The following GDNF variants were observed in gnomAD, a reference collection of about 807,000 sequenced individuals.
GDNF encodes glial cell line-derived neurotrophic factor.
In GDNF, 5 loss-of-function variants were observed where a neutral mutation model predicts 13.7. The observed-to-expected ratio is 0.36, with a 90% CI of 0.19 to 0.77. The LOEUF (loss-of-function observed/expected upper bound fraction) is 0.77, where lower values mean the gene tolerates loss of function less well. GDNF is among the 30% of genes least tolerant of loss of function. GDNF has a pLI of 0.51. For missense variants in GDNF, 246 were observed against 274.3 expected, an observed-to-expected ratio of 0.90 and a Z score of 0.73; for synonymous variants, 122 against 112.5, an observed-to-expected ratio of 1.08 and a Z score of -0.53.
rs1469546893 is a variant in GDNF, at chr5:37,814,196, AG to A, written c.*1454del. ...TGACAGCATTGTCGACATTACTTTT[AG>A]GTCAGCATTAAATCCAGGACTACCT... On this transcript the variant is annotated 3_prime_UTR_variant, in exon 3 of 3. Coordinates refer to ENST00000326524, the MANE Select transcript of GDNF (RefSeq NM_000514.4). 1 of 152,568 alleles carries A rather than the reference AG, an allele frequency of 6.6e-6. No individual in the cohort carries two copies. Among genetic ancestry groups the A allele is most frequent in the African/African-American group, 2.4e-5 (1 of 41,460 alleles). The allele number at this position is 152,568 out of a possible 1,614,324, so 9.5% of individuals were successfully genotyped here.
At chr5:37,817,123 A>T (rs1317778981) in intron 2 of GDNF, among the ~76,000 whole-genome samples, 1 of 152,186 alleles carries the variant, frequency 6.6e-6, no homozygotes, top group Non-Finnish European at 1.5e-5. Context: ...CAAGAGGCTC[A>T]TTAGGGAGAT....
intron 2 of GDNF, among the ~76,000 whole-genome samples, chr5:37,820,815 C>G (rs1750110736): frequency 1.3e-5 from 2 of 152,002 alleles, no homozygotes. Flanking sequence ...AAATTCCTTC[C>G]TTTGATGGGA....
rs1749854561 is a variant in GDNF at position 37,814,924 on chromosome 5, A to T, written c.*727T>A. ...CACAACTCGTTTCCTGTTTCCAAGG[A>T]CATAAAGGAAATACCTTCAGGTTTG... On this transcript the variant is annotated 3_prime_UTR_variant, in exon 3 of 3. Coordinates refer to ENST00000326524, the MANE Select transcript of GDNF (RefSeq NM_000514.4). The T allele has an allele frequency of 6.6e-6, 1 of 152,428 alleles. No homozygotes were observed. Among genetic ancestry groups the T allele is most frequent in the Non-Finnish European group, 1.5e-5 (1 of 68,220 alleles). 9.4% of individuals were successfully genotyped at this position (152,428 alleles called of 1,614,324 possible). A position where few individuals can be genotyped will look rare whatever the true frequency, so the allele number is the denominator to read the frequency against.
rs1749793908 is a variant in GDNF at position 37,813,358 on chromosome 5, C to A, written c.*2293G>T. 1.3e-5 allele frequency: 2 copies of A among 152,108 alleles called. No homozygotes were observed. The highest frequency in any genetic ancestry group is 2.9e-5 in the Non-Finnish European group (2 of 68,028). The allele number at this position is 152,108 out of a possible 1,614,324, so 9.4% of individuals were successfully genotyped here. On this transcript the variant is annotated 3_prime_UTR_variant, in exon 3 of 3. Coordinates refer to ENST00000326524, the MANE Select transcript of GDNF (RefSeq NM_000514.4). ...CCAGTATTTCATTTAATTGCTAAAT[C>A]TGTCATAGTTTTATACTAGTAGCCA...
Position 37,830,761 on chromosome 5 carries a change from C to T in GDNF, c.151+3885G>A, listed in dbSNP as rs147359170. On this transcript the variant is annotated intron_variant, in intron 2 of 2. Transcript: ENST00000326524. ...CATCAACCCATGAGACAGATTTACT[C>T]TTATGCCTATTTTACAGGGAAGAAA... Among the ~76,000 whole-genome samples, 86 of 152,300 alleles carry T rather than the reference C, an allele frequency of 5.6e-4. 2 individuals are homozygous for T. Among genetic ancestry groups the T allele is most frequent in the African/African-American group, 1.9e-3 (79 of 41,568 alleles).
At position 37,834,825 on chromosome 5, in the gene GDNF, G is replaced by T; in HGVS notation, c.-26-3C>A. On this transcript the variant is annotated splice_polypyrimidine_tract_variant and splice_region_variant and intron_variant, in intron 1 of 2. Coordinates refer to ENST00000326524, the MANE Select transcript of GDNF (RefSeq NM_000514.4). ...AAAGTCCCGTCCGGCGGCGGCACCT[G>T]CGCGGGCAGGCGGGAGGTGGGGGAG... is the stretch of plus-strand genomic sequence containing the variant. 1 of 1,612,298 alleles carries T rather than the reference G, an allele frequency of 6.2e-7. No individual in the cohort carries two copies. Among genetic ancestry groups the T allele is most frequent in the Non-Finnish European group, 8.5e-7 (1 of 1,179,104 alleles).
chr5:37,817,479 A>G (rs1749974741), intron 2 of GDNF, among the ~76,000 whole-genome samples: 1 of 152,196 alleles, frequency 6.6e-6, no homozygotes, highest in Non-Finnish European at 1.5e-5. Context: ...TAGAAAGATT[A>G]CATTATGTCT....
chr5:37,819,201 C>T (rs540619174), intron 2 of GDNF, among the ~76,000 whole-genome samples: 1 of 152,182 alleles, frequency 6.6e-6, no homozygotes, highest in Non-Finnish European at 1.5e-5. Flanking sequence ...AAAACTGCAT[C>T]GTTATGAAAT....
chr5:37,827,092 G>T (rs1360431667), intron 2 of GDNF, among the ~76,000 whole-genome samples: 1 of 152,006 alleles, frequency 6.6e-6, no homozygotes, highest in Non-Finnish European at 1.5e-5. Flanking sequence ...TAGCAAAAGA[G>T]CCCAGAGTTT....
chr5:37,831,654 C>T (rs1182176398), intron 2 of GDNF, among the ~76,000 whole-genome samples: 1 of 152,166 alleles, frequency 6.6e-6, no homozygotes, highest in Non-Finnish European at 1.5e-5. Context: ...CTCCTGTGAT[C>T]ATGGAACTGT....
Position 37,819,454 on chromosome 5 carries a change from T to TG in GDNF, c.152-3320_152-3319insC, listed in dbSNP as rs1252923055. ...GGGAAGTGCTCTTTTCTTTTTTTTT[T>TG]TTTTTTTTTGTTTTTGAGACGGAGT... On this transcript the variant is annotated intron_variant, in intron 2 of 2. Transcript: ENST00000326524. Among the ~76,000 whole-genome samples, 4 of 150,396 alleles carry TG rather than the reference T, an allele frequency of 2.7e-5. No homozygotes were observed. The South Asian group carries it at 6.4e-4, about 24-fold the overall frequency.
intron 2 of GDNF, among the ~76,000 whole-genome samples, chr5:37,831,895 C>G (rs993301391): frequency 6.6e-6 from 1 of 152,212 alleles, no homozygotes; most frequent in Non-Finnish European, 1.5e-5. Flanking sequence ...CCCCAAAAGT[C>G]AAATCACAAG....
chr5:37,835,780 G>T, intron 1 of GDNF: 1 of 836,112 alleles, frequency 1.2e-6, no homozygotes, highest in Non-Finnish European at 2.0e-6. Flanking sequence ...CTGGCTCCCC[G>T]CGCCCCCGTC....
intron 2 of GDNF, among the ~76,000 whole-genome samples, chr5:37,819,447 T>TC (rs965092802): frequency 2.5e-4 from 37 of 146,712 alleles, no homozygotes; most frequent in Middle Eastern, 3.5e-3. Flanking sequence ...CTCTTTTCTT[T>TC]TTTTTTTTTT....
At chr5:37,823,575 A>T (rs1219455963) in intron 2 of GDNF, among the ~76,000 whole-genome samples, 2 of 152,182 alleles carry the variant, frequency 1.3e-5, no homozygotes, top group Non-Finnish European at 2.9e-5. Context: ...TTCCCAGTTA[A>T]AACCGGAAAA....
At chr5:37,834,895 T>A in intron 1 of GDNF, 73 bp from the exon 2 acceptor site, 3 of 1,391,336 alleles carry the variant, frequency 2.2e-6, no homozygotes, top group Admixed American at 3.6e-5. Context: ...TGCGGGTCCC[T>A]GCGCCCCTCT....
intron 2 of GDNF, among the ~76,000 whole-genome samples, chr5:37,831,927 G>C (rs1017811371): frequency 1.3e-5 from 2 of 152,258 alleles, no homozygotes; most frequent in Non-Finnish European, 1.5e-5. Context: ...AGACAGGCTA[G>C]AAGTTGCTAC....
chr5:37,815,661 C>G lies in GDNF; in HGVS notation c.626G>C (p.Gly209Ala). ...ILRKHSAKRCGCI is the reference protein window; with the variant it reads ...ILRKHSAKRCACI The stretch of plus-strand genomic sequence containing the variant: ...TCTCTGGAGCCGGAGTCAGATACAT[C>G]CACACCTTTTAGCGGAATGCTTTCT... Residue 209 changes from glycine to alanine, a missense_variant, in exon 3 of 3, where the codon GGA (glycine) becomes GCA (alanine). Physicochemically the swap from Gly to Ala is moderately conservative, Grantham distance 60 (BLOSUM62 0). Transcript: ENST00000326524. The surrounding 1 kb of genome is among the most constrained non-coding windows in gnomAD (Gnocchi z 5.0). 1 of 1,613,724 alleles carries G rather than the reference C, an allele frequency of 6.2e-7. No homozygotes were observed.
chr5:37,818,977 T>C (rs1301607777), intron 2 of GDNF, among the ~76,000 whole-genome samples: 1 of 151,986 alleles, frequency 6.6e-6, no homozygotes, highest in African/African-American at 2.4e-5. Context: ...ACCATCTAAC[T>C]GATTTCTTAG....
Sources: allele counts gnomAD v4.1 joint callset (sites outside exome capture counted in the v4.1 genomes callset), GRCh38; gene constraint gnomAD v4.1.1; non-coding constraint Gnocchi (gnomAD v3.1); transcripts MANE v1.5; gene names NCBI Gene and HGNC (gene_info 2026-07-23, HGNC 2026-07-21).